GABPB1: variants seen among roughly 807,000 people sequenced by gnomAD.
GABPB1 encodes the protein GA binding protein transcription factor subunit beta 1.
A neutral mutation model predicts 45.9 loss-of-function variants in GABPB1; 15 were observed. That is an observed-to-expected ratio of 0.33 (90% CI 0.22 to 0.50). GABPB1 has a LOEUF of 0.50. Among genes scored for constraint, GABPB1 ranks in the 20% least tolerant of loss-of-function variants. GABPB1 has a pLI of 0.98. For synonymous variants in GABPB1, 143 were observed against 154.4 expected (o/e 0.93, Z 0.55); for missense variants, 252 against 457.5 (o/e 0.55, Z 4.10).
At chr15:50,298,154 C>T (rs1020921204) in intron 6 of GABPB1, among the ~76,000 whole-genome samples, 12 of 152,102 alleles carry the variant, frequency 7.9e-5, no homozygotes, top group Middle Eastern at 3.2e-3. Flanking sequence ...TATAGTGGCG[C>T]GATCACAGCT....
chr15:50,352,888 C>T (rs1164948740), intron 1 of GABPB1: 1 of 152,114 alleles, frequency 6.6e-6, no homozygotes, highest in Non-Finnish European at 1.5e-5. Flanking sequence ...GTATAATTGT[C>T]TCCCAATAAG....
At chr15:50,344,983 G>A (rs2048512056) in intron 1 of GABPB1, among the ~76,000 whole-genome samples, 2 of 152,186 alleles carry the variant, frequency 1.3e-5, no homozygotes, top group South Asian at 4.1e-4. Context: ...GAAATTCCTT[G>A]AGCGTTCCAA....
intron 1 of GABPB1, chr15:50,350,766 T>C (rs1370525523): frequency 6.6e-6 from 1 of 152,150 alleles, no homozygotes; most frequent in Non-Finnish European, 1.5e-5. Context: ...ACTCATTCTA[T>C]TTTCACAATT....
At chr15:50,296,487 C>T (rs536106533) in intron 6 of GABPB1, among the ~76,000 whole-genome samples, 4 of 152,222 alleles carry the variant, frequency 2.6e-5, no homozygotes, top group South Asian at 4.1e-4. Flanking sequence ...AAATTATAAA[C>T]GTTCTAAAAG....
At chr15:50,344,577 A>C (rs1410362872) in intron 1 of GABPB1, among the ~76,000 whole-genome samples, 2 of 152,244 alleles carry the variant, frequency 1.3e-5, no homozygotes, top group African/African-American at 4.8e-5. Context: ...AACTGTGCTC[A>C]CGCCTGTAAC....
intron 1 of GABPB1, chr15:50,351,628 GGGAGAGGGACAGAGGGAGAA>G (rs2048828360): frequency 1.4e-5 from 2 of 145,982 alleles, no homozygotes; most frequent in South Asian, 2.2e-4. Context: ...AGGAGAGAGA[GGGAGAGGGACAGAGGGAGAA>G]GGAGAGAGGA....
At chr15:50,346,247 G>A (rs550796143) in intron 1 of GABPB1, 7 of 152,268 alleles carry the variant, frequency 4.6e-5, no homozygotes, top group African/African-American at 1.4e-4. Context: ...AGTTAAAGAG[G>A]AAGAAGGAAT....
At chr15:50,324,540 C>CTTTT (rs575280667) in intron 1 of GABPB1, among the ~76,000 whole-genome samples, 24 of 114,214 alleles carry the variant, frequency 2.1e-4, no homozygotes, top group East Asian at 2.9e-4. Context: ...GTCTCCGTGG[C>CTTTT]TTTTTTTTTT....
intron 6 of GABPB1, among the ~76,000 whole-genome samples, chr15:50,296,905 C>CTTTTTTTT (rs72486745): frequency 3.3e-5 from 3 of 91,380 alleles, no homozygotes; most frequent in Non-Finnish European, 4.3e-5. Flanking sequence ...TAACTTAATT[C>CTTTTTTTT]TTTTTTTTTT....
At chr15:50,299,548 G>A (rs1037558311) in intron 6 of GABPB1, among the ~76,000 whole-genome samples, 3 of 151,880 alleles carry the variant, frequency 2.0e-5, no homozygotes, top group Non-Finnish European at 4.4e-5. Flanking sequence ...TACAGGCATG[G>A]GCCACTACGC....
intron 8 of GABPB1, chr15:50,282,374 C>T (rs2046005194): frequency 2.3e-6 from 1 of 430,536 alleles, no homozygotes; most frequent in East Asian, 7.3e-5. Flanking sequence ...GCCTGGGCAA[C>T]ATAGCAAGAC....
In GABPB1 at chr15:50,294,883, G is replaced by A. The variant is rs567182571; in HGVS notation, c.698-5215C>T. ...CACCTTTGGAAAAACCACTTTATTA[G>A]TAATTACCAGAAGTTGCTCTAAAGA... On this transcript the variant is annotated intron_variant, in intron 6 of 8. Coordinates refer to ENST00000380877, the MANE Select transcript of GABPB1 (RefSeq NM_016654.5). 2.6e-5 allele frequency among the ~76,000 whole-genome samples: 4 copies of A among 152,206 alleles called. No homozygotes were observed. In the East Asian group the frequency reaches 7.7e-4, roughly 29 times the overall value.
chr15:50,345,877 A>C (rs1008235511), intron 1 of GABPB1, among the ~76,000 whole-genome samples: 3 of 151,988 alleles, frequency 2.0e-5, no homozygotes, highest in Non-Finnish European at 4.4e-5. Flanking sequence ...ACGCCCAGCT[A>C]ATTTTTTTTA....
chr15:50,339,674 CAG>C (rs2048280728), intron 1 of GABPB1, among the ~76,000 whole-genome samples: 1 of 151,956 alleles, frequency 6.6e-6, no homozygotes, highest in South Asian at 2.1e-4. Flanking sequence ...AAAATTAACT[CAG>C]AATATAAATG....
intron 1 of GABPB1, among the ~76,000 whole-genome samples, chr15:50,336,245 C>T (rs546726840): frequency 2.7e-5 from 4 of 150,552 alleles, no homozygotes; most frequent in East Asian, 2.0e-4. Context: ...TCTAGCTACT[C>T]GGGAGGCTGA....
chr15:50,344,876 A>G (rs1229851277), intron 1 of GABPB1, among the ~76,000 whole-genome samples: 1 of 152,136 alleles, frequency 6.6e-6, no homozygotes, highest in Non-Finnish European at 1.5e-5. Flanking sequence ...AAGCAAAAGT[A>G]TGCATCGCAG....
At chr15:50,285,686 C>T (rs759136655) in intron 8 of GABPB1, among the ~76,000 whole-genome samples, 4 of 152,158 alleles carry the variant, frequency 2.6e-5, no homozygotes, top group Non-Finnish European at 5.9e-5. Flanking sequence ...GACCCCTAGC[C>T]CAATTAGGCA....
chr15:50,291,960 A>G (rs912670954), intron 6 of GABPB1, among the ~76,000 whole-genome samples: 4 of 151,290 alleles, frequency 2.6e-5, no homozygotes, highest in African/African-American at 7.3e-5. Flanking sequence ...ATACCTCATA[A>G]AAAGGAGAGA....
At chr15:50,289,350 C>T in intron 7 of GABPB1, 133 bp downstream of exon 7, 1 of 600,760 alleles carries the variant, frequency 1.7e-6, no homozygotes, top group Non-Finnish European at 2.8e-6. Context: ...AAAATACATT[C>T]TTTGGAACAC....
Sources: allele counts gnomAD v4.1 joint callset (sites outside exome capture counted in the v4.1 genomes callset), GRCh38; gene constraint gnomAD v4.1.1; transcripts MANE v1.5; gene names NCBI Gene and HGNC (gene_info 2026-07-23, HGNC 2026-07-21).